The following DNA2 variants were observed in gnomAD, a reference collection of about 807,000 sequenced individuals.
The protein encoded by DNA2 is DNA replication ATP-dependent helicase/nuclease DNA2.
Under a neutral mutation model 119.1 loss-of-function variants are expected in DNA2, and 101 were observed. The ratio of observed to expected loss-of-function variants is 0.85; its 90% CI spans 0.72 to 1.00. DNA2 has a LOEUF of 1.00. Among genes scored for constraint, DNA2 ranks in the 50% least tolerant of loss-of-function variants. DNA2 has a pLI of 0.00. For synonymous variants in DNA2, 366 were observed against 424.4 expected, an observed-to-expected ratio of 0.86 and a Z score of 1.69; for missense variants, 1,121 against 1,255.5, an observed-to-expected ratio of 0.89 and a Z score of 1.62.
At position 68,444,580 on chromosome 10, in the gene DNA2, C is replaced by T. The variant is rs529162014; in HGVS notation, c.1220+341G>A. On this transcript the variant is annotated intron_variant, in intron 8 of 20. Transcript: ENST00000358410. ...TCTCTACTAAAAATACAAAATTAGC[C>T]GGGAATGGTAGCACATGGCTGTAAT... 1.6e-3 allele frequency among the ~76,000 whole-genome samples: 249 copies of T among 151,124 alleles called. 1 individual carries two copies. Among genetic ancestry groups the T allele is most frequent in the African/African-American group, 5.4e-3 (222 of 41,252 alleles).
intron 4 of DNA2, among the ~76,000 whole-genome samples, chr10:68,460,137 C>G (rs942556739): frequency 1.3e-5 from 2 of 151,846 alleles, no homozygotes; most frequent in Non-Finnish European, 2.9e-5. Flanking sequence ...GACAGGGTCT[C>G]ACGCTGTCAC....
chr10:68,463,185 C>T (rs976939001), intron 4 of DNA2, among the ~76,000 whole-genome samples: 1 of 151,758 alleles, frequency 6.6e-6, no homozygotes, highest in Non-Finnish European at 1.5e-5. Context: ...TGGCTCACAC[C>T]TGTAATCCCA....
At chr10:68,444,569 A>G (rs1336984601) in intron 8 of DNA2, among the ~76,000 whole-genome samples, 1 of 151,678 alleles carries the variant, frequency 6.6e-6, no homozygotes, top group East Asian at 1.9e-4. Context: ...TACTAAAAAT[A>G]CAAAATTAGC....
intron 19 of DNA2, among the ~76,000 whole-genome samples, chr10:68,417,286 G>C (rs1415198107): frequency 6.6e-6 from 1 of 150,938 alleles, no homozygotes. Context: ...GAGTAGATGA[G>C]GGATGGAGTA....
At chr10:68,429,944 G>A (rs569891721) in intron 14 of DNA2, among the ~76,000 whole-genome samples, 4 of 143,074 alleles carry the variant, frequency 2.8e-5, no homozygotes, top group South Asian at 2.3e-4. Flanking sequence ...GTGCAGTGGC[G>A]CGATCTCTGC....
intron 5 of DNA2, among the ~76,000 whole-genome samples, chr10:68,456,988 G>A (rs1303039404): frequency 1.3e-5 from 2 of 151,878 alleles, no homozygotes; most frequent in Non-Finnish European, 2.9e-5. Context: ...CAAAAAATTA[G>A]CCAGGCATGG....
At chr10:68,430,685 A>G in intron 13 of DNA2, 25 bp from the exon 14 acceptor site, 1 of 1,446,042 alleles carries the variant, frequency 6.9e-7, no homozygotes, top group Non-Finnish European at 9.3e-7. Context: ...GAGAAAAAAG[A>G]AAAAACAGCC....
At chr10:68,453,090 T>C (rs1590068739) in intron 5 of DNA2, among the ~76,000 whole-genome samples, 1 of 151,292 alleles carries the variant, frequency 6.6e-6, no homozygotes, top group African/African-American at 2.4e-5. Context: ...TTAGTAGAGA[T>C]AGGGTTTCAC....
intron 7 of DNA2, among the ~76,000 whole-genome samples, chr10:68,445,789 T>C (rs184639966): frequency 2.1e-4 from 32 of 152,034 alleles, no homozygotes; most frequent in Admixed American, 1.2e-3. Context: ...AAAAGATTAA[T>C]AATGTTTTCA....
rs200292449 is a variant in DNA2 at position 68,442,902 on chromosome 10, A to T, written c.1415+15T>A. The T allele has an allele frequency of 1.2e-5, 20 of 1,600,634 alleles. No individual in the cohort carries two copies. The highest frequency in any genetic ancestry group is 1.6e-5 in the Non-Finnish European group (19 of 1,173,884). The stretch of plus-strand genomic sequence containing the variant: ...CAAACTACTGAAATCTTACTGTACT[A>T]AATGGACCACTTACATTTCCGAAGC... On this transcript the variant is annotated intron_variant, in intron 9 of 20. Transcript: ENST00000358410.
rs1799356875 is a variant in DNA2, at chr10:68,419,707, T to G, written c.2787+96A>C. ...GGCTTCAATCCCCCCCTTATCTTAA[T>G]AAACGAGACTTAATGCCAGATTGTA... On this transcript the variant is annotated intron_variant, in intron 18 of 20. Coordinates refer to ENST00000358410, the MANE Select transcript of DNA2 (RefSeq NM_001080449.3). 5.6e-6 allele frequency: 5 copies of G among 891,902 alleles called. No individual in the cohort carries two copies. The Admixed American group carries it at 1.1e-4, about 19-fold the overall frequency. The allele number at this position is 891,902 out of a possible 1,614,324, so 55.2% of individuals were successfully genotyped here.
At chr10:68,456,532 G>T (rs1253012553) in intron 5 of DNA2, among the ~76,000 whole-genome samples, 2 of 151,940 alleles carry the variant, frequency 1.3e-5, no homozygotes, top group Non-Finnish European at 2.9e-5. Context: ...TCCTGCCTCA[G>T]CCTCCCGAGT....
chr10:68,450,316 A>C, intron 5 of DNA2, 69 bp from the exon 6 acceptor site: 1 of 1,152,554 alleles, frequency 8.7e-7, no homozygotes, highest in Non-Finnish European at 1.2e-6. Flanking sequence ...GCTGGCTCTG[A>C]CTGCCTATTA....
At position 68,471,916 on chromosome 10, in the gene DNA2, G is replaced by GT; in HGVS notation, c.-53dup. The GT allele has an allele frequency of 6.2e-7, 1 of 1,613,810 alleles. No homozygotes were observed. ...GACAGAAAAGACAGCGGAACCGGGGGTAACACAGAAAGCTTAGAAAAGGGA... is the reference window on the plus strand; with the variant it reads ...GACAGAAAAGACAGCGGAACCGGGGGTTAACACAGAAAGCTTAGAAAAGGGA... On this transcript the variant is annotated 5_prime_UTR_variant, in exon 1 of 21. Transcript: ENST00000358410.
intron 9 of DNA2, 116 bp from the exon 10 acceptor site, chr10:68,437,357 C>T (rs765786033): frequency 8.8e-6 from 8 of 913,002 alleles, no homozygotes; most frequent in South Asian, 1.8e-5. Context: ...TTATTGAGGC[C>T]GGGTGTGGTG....
chr10:68,443,606 T>C (rs1426773282), intron 8 of DNA2, among the ~76,000 whole-genome samples: 1 of 152,164 alleles, frequency 6.6e-6, no homozygotes, highest in Admixed American at 6.6e-5. Context: ...CTTCCTACGG[T>C]TCACAGTCCT....
chr10:68,459,251 T>C lies in DNA2; in HGVS notation c.588-16A>G, dbSNP rs557097782. ...TAAGCGGTACCTGCCAAAAATATAA[T>C]AGTAAATAGACTTAGACTTAAGCGG... On this transcript the variant is annotated splice_polypyrimidine_tract_variant and intron_variant, in intron 4 of 20. Coordinates refer to ENST00000358410, the MANE Select transcript of DNA2 (RefSeq NM_001080449.3). The C allele has an allele frequency of 7.0e-5, 107 of 1,531,850 alleles. 1 individual carries two copies. The highest frequency in any genetic ancestry group is 9.2e-5 in the Non-Finnish European group (105 of 1,140,722). The allele number at this position is 1,531,850 out of a possible 1,614,324, so 94.9% of individuals were successfully genotyped here.
At chr10:68,425,040 G>A in intron 14 of DNA2, 1 of 448,776 alleles carries the variant, frequency 2.2e-6, no homozygotes, top group Non-Finnish European at 4.3e-6. Flanking sequence ...AGATTTTTAG[G>A]CTAGTGTGTG....
chr10:68,467,485 G>A (rs1223216662), intron 3 of DNA2, among the ~76,000 whole-genome samples: 2 of 152,022 alleles, frequency 1.3e-5, no homozygotes, highest in African/African-American at 2.4e-5. Flanking sequence ...ATAAAAAGCT[G>A]GGTGTTGAGT....
Sources: allele counts gnomAD v4.1 joint callset (sites outside exome capture counted in the v4.1 genomes callset), GRCh38; gene constraint gnomAD v4.1.1; transcripts MANE v1.5; gene names NCBI Gene and HGNC (gene_info 2026-07-23, HGNC 2026-07-21).